STEAP1B: variants seen among roughly 807,000 people sequenced by gnomAD.
The protein encoded by STEAP1B is STEAP family member 1B.
A neutral mutation model predicts 27.9 loss-of-function variants in STEAP1B; 13 were observed. The ratio of observed to expected loss-of-function variants is 0.47; its 90% CI spans 0.30 to 0.74. The LOEUF is 0.74. Among genes scored for constraint, STEAP1B ranks in the 30% least tolerant of loss-of-function variants. The probability of loss-of-function intolerance (pLI) is 0.06; values close to 1 mark genes in which losing one functional copy is unlikely to be tolerated. For synonymous variants in STEAP1B, 86 were observed against 107.1 expected (o/e 0.80, Z 1.22); for missense variants, 250 against 298.7 (o/e 0.84, Z 1.20).
intron 2 of STEAP1B, among the ~76,000 whole-genome samples, chr7:22,494,275 G>A (rs1786398472): frequency 6.6e-6 from 1 of 151,412 alleles, no homozygotes; most frequent in Admixed American, 6.6e-5. Context: ...TCCTGTGTTT[G>A]ACCAAAAGTG....
At position 22,419,572 on chromosome 7, in the gene STEAP1B, CT is replaced by C. The variant is rs1269523324; in HGVS notation, c.*231del. ...TAGGCTCCGTAACAACCAACACAAT[CT>C]CAGTGGATTAGCACAACACATATGG... On this transcript the variant is annotated 3_prime_UTR_variant, in exon 5 of 5. Transcript: ENST00000678116. The C allele has an allele frequency of 5.5e-6, 2 of 361,720 alleles. No homozygotes were observed. The highest frequency in any genetic ancestry group is 1.0e-5 in the Non-Finnish European group (2 of 200,198). The allele number at this position is 361,720 out of a possible 1,614,324, so 22.4% of individuals were successfully genotyped here. A position where few individuals can be genotyped will look rare whatever the true frequency, so the allele number is the denominator to read the frequency against.
intron 4 of STEAP1B, among the ~76,000 whole-genome samples, chr7:22,471,904 A>G (rs923268994): frequency 6.7e-4 from 102 of 151,586 alleles, no homozygotes; most frequent in African/African-American, 2.1e-3. Context: ...AAAAAAAAAA[A>G]AAAAAAAAAA....
At chr7:22,487,418 C>T (rs59902935) in intron 4 of STEAP1B, among the ~76,000 whole-genome samples, 37,078 of 152,004 alleles carry the variant, frequency 0.24, 4,715 homozygotes, top group African/African-American at 0.3. Context: ...ATGACAAAAA[C>T]CAAGACTTGA....
intron 4 of STEAP1B, among the ~76,000 whole-genome samples, chr7:22,444,376 C>G (rs1785377276): frequency 6.6e-6 from 1 of 152,058 alleles, no homozygotes; most frequent in Non-Finnish European, 1.5e-5. Flanking sequence ...ACCCTGACTT[C>G]AATCACCTCT....
intron 4 of STEAP1B, among the ~76,000 whole-genome samples, chr7:22,454,967 A>G (rs1046133830): frequency 2.7e-5 from 4 of 150,856 alleles, no homozygotes; most frequent in Non-Finnish European, 4.4e-5. Context: ...GGTTCAAGTG[A>G]TTCTTCTGCC....
intron 4 of STEAP1B, among the ~76,000 whole-genome samples, chr7:22,476,805 C>T (rs923163030): frequency 2.6e-5 from 4 of 152,168 alleles, no homozygotes; most frequent in Non-Finnish European, 5.9e-5. Flanking sequence ...TCAGAGGCTA[C>T]GACAAACATC....
chr7:22,472,780 C>G lies in STEAP1B; in HGVS notation c.762+19785G>C, dbSNP rs150761738. Reference sequence around the variant, plus strand: ...TCACACATGTACATCCCATCCTCCCCCTCCTTCCCTGTCATGGCAGTTGGG... The same window carrying G: ...TCACACATGTACATCCCATCCTCCCGCTCCTTCCCTGTCATGGCAGTTGGG... On this transcript the variant is annotated intron_variant, in intron 4 of 4. Coordinates refer to ENST00000678116, the MANE Select transcript of STEAP1B (RefSeq NM_001382447.1). 3.3e-3 allele frequency among the ~76,000 whole-genome samples: 503 copies of G among 152,270 alleles called. 1 individual carries two copies. Among genetic ancestry groups the G allele is most frequent in the Non-Finnish European group, 6.1e-3 (415 of 68,020 alleles).
chr7:22,438,760 A>G (rs1785288911), intron 4 of STEAP1B: 1 of 1,543,338 alleles, frequency 6.5e-7, no homozygotes, highest in Non-Finnish European at 8.7e-7. Context: ...TATAGCCTAG[A>G]AAATGAAAAG....
intron 4 of STEAP1B, among the ~76,000 whole-genome samples, chr7:22,429,839 T>A (rs1402432972): frequency 6.6e-6 from 1 of 152,172 alleles, no homozygotes. Flanking sequence ...TTGTTTAAGA[T>A]TATAAGTAGT....
chr7:22,465,377 C>T (rs1476338031), intron 4 of STEAP1B, among the ~76,000 whole-genome samples: 1 of 151,944 alleles, frequency 6.6e-6, no homozygotes, highest in Non-Finnish European at 1.5e-5. Context: ...GATTTTTTTG[C>T]TTTTTTAAAA....
chr7:22,468,203 T>G (rs964173017), intron 4 of STEAP1B, among the ~76,000 whole-genome samples: 2 of 152,150 alleles, frequency 1.3e-5, no homozygotes, highest in African/African-American at 4.8e-5. Context: ...CTAAAAAAAT[T>G]TATCTGAAAT....
chr7:22,424,358 C>A (rs1030242564), intron 4 of STEAP1B, among the ~76,000 whole-genome samples: 1 of 152,066 alleles, frequency 6.6e-6, no homozygotes, highest in Non-Finnish European at 1.5e-5. Flanking sequence ...AGGGCATGAA[C>A]AAACTAGCTC....
intron 4 of STEAP1B, among the ~76,000 whole-genome samples, chr7:22,445,800 G>C (rs1785401018): frequency 6.6e-6 from 1 of 152,232 alleles, no homozygotes; most frequent in South Asian, 2.1e-4. Flanking sequence ...AAGGGTAAAT[G>C]AGGAGGCAGG....
intron 4 of STEAP1B, among the ~76,000 whole-genome samples, chr7:22,457,678 C>T (rs747793224): frequency 3.3e-5 from 5 of 152,248 alleles, no homozygotes; most frequent in African/African-American, 4.8e-5. Context: ...TCCTAAGTCA[C>T]ACTTTCCATG....
At chr7:22,424,374 C>T (rs1785080994) in intron 4 of STEAP1B, among the ~76,000 whole-genome samples, 1 of 152,042 alleles carries the variant, frequency 6.6e-6, no homozygotes, top group African/African-American at 2.4e-5. Context: ...AGCTCACCAC[C>T]CCTTTGAAAA....
intron 4 of STEAP1B, among the ~76,000 whole-genome samples, chr7:22,458,950 T>C (rs1031201406): frequency 2.6e-5 from 4 of 152,054 alleles, no homozygotes; most frequent in African/African-American, 4.8e-5. Context: ...AAGTATCTTA[T>C]ACAAACTAAA....
intron 4 of STEAP1B, among the ~76,000 whole-genome samples, chr7:22,424,894 T>TGA (rs1554283542): frequency 2.7e-5 from 1 of 36,428 alleles, no homozygotes; most frequent in East Asian, 5.5e-4. Context: ...AATTGTTAAG[T>TGA]GAAAAAAAAA....
At chr7:22,485,148 C>A (rs1289446230) in intron 4 of STEAP1B, among the ~76,000 whole-genome samples, 2 of 152,194 alleles carry the variant, frequency 1.3e-5, no homozygotes, top group Admixed American at 1.3e-4. Flanking sequence ...AGGATTGATT[C>A]CAATTCTTAA....
chr7:22,434,126 G>C (rs1209745638), intron 4 of STEAP1B, among the ~76,000 whole-genome samples: 1 of 152,186 alleles, frequency 6.6e-6, no homozygotes, highest in Non-Finnish European at 1.5e-5. Flanking sequence ...TTGCATCAAA[G>C]GGATTCAACT....
Sources: allele counts gnomAD v4.1 joint callset (sites outside exome capture counted in the v4.1 genomes callset), GRCh38; gene constraint gnomAD v4.1.1; transcripts MANE v1.5; gene names NCBI Gene and HGNC (gene_info 2026-07-23, HGNC 2026-07-21).